The following RANBP17 variants were observed in gnomAD, a reference collection of about 807,000 sequenced individuals.
The protein encoded by RANBP17 is RAN binding protein 17, also known as ran-binding protein 17.
Under a neutral mutation model 141.2 loss-of-function variants are expected in RANBP17, and 158 were observed. The observed-to-expected ratio is 1.12, with a 90% CI of 0.98 to 1.28. The LOEUF (loss-of-function observed/expected upper bound fraction) is 1.28. Among genes scored for constraint, RANBP17 ranks in the 50% most tolerant of loss-of-function variants. RANBP17 has a pLI of 0.00. For synonymous variants in RANBP17, 430 were observed against 450.0 expected, an observed-to-expected ratio of 0.96 and a Z score of 0.56; for missense variants, 1,438 against 1,290.7, an observed-to-expected ratio of 1.11 and a Z score of -1.75.
intron 3 of RANBP17, among the ~76,000 whole-genome samples, chr5:170,883,849 C>T (rs1768928110): frequency 6.6e-6 from 1 of 152,196 alleles, no homozygotes. Context: ...TATCCATTCA[C>T]TTACTGAAGG....
intron 16 of RANBP17, among the ~76,000 whole-genome samples, chr5:171,179,941 A>G (rs183878927): frequency 6.6e-6 from 1 of 152,296 alleles, no homozygotes; most frequent in Admixed American, 6.5e-5. Context: ...CTCCTTTTCA[A>G]AAGATATAGA....
At chr5:171,257,690 A>G (rs1275395236) in intron 24 of RANBP17, among the ~76,000 whole-genome samples, 2 of 152,234 alleles carry the variant, frequency 1.3e-5, no homozygotes, top group African/African-American at 2.4e-5. Context: ...GATTTGATAA[A>G]TAAATGCACT....
At chr5:171,264,659 A>G (rs1022870464) in intron 24 of RANBP17, among the ~76,000 whole-genome samples, 1 of 152,228 alleles carries the variant, frequency 6.6e-6, no homozygotes, top group Non-Finnish European at 1.5e-5. Context: ...CTTTTTTATT[A>G]CCAATGAACT....
intron 25 of RANBP17, among the ~76,000 whole-genome samples, chr5:171,272,319 T>C (rs984615616): frequency 1.3e-5 from 2 of 152,170 alleles, no homozygotes; most frequent in Admixed American, 1.3e-4. Flanking sequence ...ATAACAAACC[T>C]GTACATGTAC....
intron 14 of RANBP17, among the ~76,000 whole-genome samples, chr5:170,973,099 A>G (rs935990589): frequency 2.6e-5 from 4 of 152,158 alleles, no homozygotes; most frequent in Admixed American, 1.3e-4. Context: ...AGTAACCACT[A>G]TGTATTAATG....
intron 14 of RANBP17, among the ~76,000 whole-genome samples, chr5:170,983,732 T>C (rs1777928373): frequency 1.3e-5 from 2 of 152,206 alleles, no homozygotes; most frequent in Admixed American, 6.5e-5. Context: ...AATACAAATT[T>C]GGACAATTAC....
chr5:171,271,997 G>A (rs1286238567), intron 25 of RANBP17, among the ~76,000 whole-genome samples: 2 of 152,188 alleles, frequency 1.3e-5, no homozygotes, highest in African/African-American at 2.4e-5. Flanking sequence ...ATACACCATG[G>A]AGTACTACAC....
At chr5:171,265,060 A>G (rs114884610) in intron 24 of RANBP17, among the ~76,000 whole-genome samples, 30 of 152,342 alleles carry the variant, frequency 2.0e-4, no homozygotes, top group Admixed American at 5.9e-4. Context: ...AGGTTAGACC[A>G]CTGTTTCCTG....
chr5:171,244,387 AAAG>A (rs1307587295), intron 24 of RANBP17, among the ~76,000 whole-genome samples: 1 of 152,170 alleles, frequency 6.6e-6, no homozygotes, highest in Admixed American at 6.6e-5. Context: ...AAAAACAAAA[AAAG>A]GAACTGTATT....
intron 16 of RANBP17, among the ~76,000 whole-genome samples, chr5:171,175,324 AT>A (rs758086678): frequency 2.0e-5 from 3 of 152,034 alleles, no homozygotes; most frequent in Non-Finnish European, 4.4e-5. Flanking sequence ...CAGTAATGGG[AT>A]TTGCTGGGTC....
intron 14 of RANBP17, chr5:170,982,975 A>G: frequency 2.8e-6 from 1 of 357,998 alleles, no homozygotes; most frequent in Non-Finnish European, 5.3e-6. Context: ...TTAAAATTGT[A>G]TATCCAGTAA....
chr5:170,978,165 T>C (rs1777522525), intron 14 of RANBP17, among the ~76,000 whole-genome samples: 1 of 152,144 alleles, frequency 6.6e-6, no homozygotes, highest in Admixed American at 6.5e-5. Flanking sequence ...GAAATATCAC[T>C]GCTCATCTGA....
intron 18 of RANBP17, among the ~76,000 whole-genome samples, chr5:171,191,730 A>G (rs1761660575): frequency 6.6e-6 from 1 of 152,122 alleles, no homozygotes; most frequent in Admixed American, 6.6e-5. Flanking sequence ...TAGAGATTAA[A>G]TGACCTGCCC....
intron 14 of RANBP17, among the ~76,000 whole-genome samples, chr5:171,028,641 T>C (rs1364694522): frequency 6.6e-6 from 1 of 152,210 alleles, no homozygotes; most frequent in Non-Finnish European, 1.5e-5. Flanking sequence ...TCATGATCAA[T>C]TGTGGTTAGC....
At chr5:171,055,410 A>G (rs1783276214) in intron 14 of RANBP17, among the ~76,000 whole-genome samples, 1 of 152,176 alleles carries the variant, frequency 6.6e-6, no homozygotes, top group Non-Finnish European at 1.5e-5. Context: ...TCCCATTTTT[A>G]TTAAAGACAA....
chr5:171,037,306 T>C (rs1402895029), intron 14 of RANBP17, among the ~76,000 whole-genome samples: 1 of 152,144 alleles, frequency 6.6e-6, no homozygotes. Flanking sequence ...TGTTTTTTGC[T>C]TGCTGAATTG....
chr5:170,957,458 T>C (rs897888), intron 13 of RANBP17, among the ~76,000 whole-genome samples: 93,151 of 152,022 alleles, frequency 0.61, 29,950 homozygotes, highest in South Asian at 0.9. Context: ...GTGTTTCTAA[T>C]CCCAAAATCA....
chr5:170,874,751 A>G (rs186846128), intron 1 of RANBP17, among the ~76,000 whole-genome samples: 11 of 152,184 alleles, frequency 7.2e-5, no homozygotes, highest in African/African-American at 2.4e-4. Context: ...TCTTGAATAC[A>G]GTACACTGAT....
At chr5:170,867,447 CTATTT>C (rs1210078104) in intron 1 of RANBP17, among the ~76,000 whole-genome samples, 1 of 151,874 alleles carries the variant, frequency 6.6e-6, no homozygotes, top group Non-Finnish European at 1.5e-5. Context: ...TAAATATTAT[CTATTT>C]TATTTTAAGA....
Sources: allele counts gnomAD v4.1 joint callset (sites outside exome capture counted in the v4.1 genomes callset), GRCh38; gene constraint gnomAD v4.1.1; transcripts MANE v1.5; gene names NCBI Gene and HGNC (gene_info 2026-07-23, HGNC 2026-07-21).